NWD2: variants seen among roughly 807,000 people sequenced by gnomAD.
The protein encoded by NWD2 is NACHT and WD repeat domain containing 2.
In NWD2, 37 loss-of-function variants were observed where a neutral mutation model predicts 132.7. That is an observed-to-expected ratio of 0.28 (90% confidence interval 0.21 to 0.37). The LOEUF is 0.37. NWD2 is among the 10% of genes least tolerant of loss of function. NWD2 has a pLI of 1.00. For synonymous variants in NWD2, 705 were observed against 803.0 expected (o/e 0.88, Z 2.06); for missense variants, 1,592 against 2,122.4 (o/e 0.75, Z 4.91).
chr4:37,341,644 G>A (rs748725541), intron 2 of NWD2, among the ~76,000 whole-genome samples: 1 of 152,162 alleles, frequency 6.6e-6, no homozygotes, highest in East Asian at 1.9e-4. Flanking sequence ...CAGAGAAGGT[G>A]TAAAATAGCA....
intron 2 of NWD2, among the ~76,000 whole-genome samples, chr4:37,352,098 A>G (rs978136479): frequency 2.0e-5 from 3 of 152,106 alleles, no homozygotes; most frequent in African/African-American, 7.2e-5. Context: ...TTCACTTCCA[A>G]TTATGGGGTC....
chr4:37,436,927 G>T (rs1712338187), intron 5 of NWD2, among the ~76,000 whole-genome samples: 1 of 152,066 alleles, frequency 6.6e-6, no homozygotes, highest in Non-Finnish European at 1.5e-5. Context: ...AAAACCATTT[G>T]TAAAATGTAC....
intron 3 of NWD2, among the ~76,000 whole-genome samples, chr4:37,357,439 C>A (rs1719893703): frequency 6.6e-6 from 1 of 152,076 alleles, no homozygotes; most frequent in African/African-American, 2.4e-5. Context: ...AATTTCTTAC[C>A]CAGGCTAGTA....
chr4:37,345,862 C>G (rs894277124), intron 2 of NWD2, among the ~76,000 whole-genome samples: 1 of 152,086 alleles, frequency 6.6e-6, no homozygotes, highest in Non-Finnish European at 1.5e-5. Context: ...AGGTGGATCA[C>G]CTGAGGTTAG....
At chr4:37,425,091 T>C (rs1007740782) in intron 3 of NWD2, among the ~76,000 whole-genome samples, 3 of 152,082 alleles carry the variant, frequency 2.0e-5, no homozygotes, top group East Asian at 1.9e-4. Flanking sequence ...AAGTAGAGAG[T>C]CTTTTTACAT....
At position 37,445,302 on chromosome 4, in the gene NWD2, A is replaced by G. The variant is rs1201538263; in HGVS notation, c.3314A>G (p.Gln1105Arg). 6.4e-7 allele frequency: 1 copy of G among 1,552,070 alleles called. No individual in the cohort carries two copies. Among genetic ancestry groups the G allele is most frequent in the Admixed American group, 2.0e-5 (1 of 51,004 alleles). ...FHCWYEVTCVQCSLDGLYAFC... is the reference protein window; with the variant it reads ...FHCWYEVTCVRCSLDGLYAFC... Reference sequence around the variant, plus strand: ...TGCTGGTATGAAGTGACGTGCGTCCAGTGCTCCCTGGATGGTCTGTATGCT... The same window carrying G: ...TGCTGGTATGAAGTGACGTGCGTCCGGTGCTCCCTGGATGGTCTGTATGCT... The change falls in exon 7 of 7, where the codon CAG (glutamine) becomes CGG (arginine). Residue 1105 changes from glutamine to arginine, a missense_variant. Gln to Arg is a conservative substitution (Grantham distance 43). This residue lies in a region of NWD2 where 1,071 missense variants were observed against 1,398.0 expected (regional missense o/e 0.77). Transcript: ENST00000309447. The surrounding 1 kb of genome is among the most constrained non-coding windows in gnomAD (Gnocchi z 4.7).
intron 3 of NWD2, among the ~76,000 whole-genome samples, chr4:37,380,248 G>A (rs564541846): frequency 2.0e-5 from 3 of 152,268 alleles, no homozygotes; most frequent in African/African-American, 4.8e-5. Flanking sequence ...GATAAAGTCC[G>A]GACTCTTAAC....
intron 1 of NWD2, among the ~76,000 whole-genome samples, chr4:37,273,469 C>T (rs1159192479): frequency 1.3e-5 from 2 of 152,030 alleles, no homozygotes; most frequent in Non-Finnish European, 2.9e-5. Flanking sequence ...TAGACTCCCA[C>T]ACAATAATAA....
chr4:37,333,958 G>A (rs1305993175), intron 2 of NWD2, among the ~76,000 whole-genome samples: 1 of 151,954 alleles, frequency 6.6e-6, no homozygotes, highest in Non-Finnish European at 1.5e-5. Context: ...CTTACCAGCA[G>A]AATTGATCAA....
chr4:37,348,580 T>C (rs796767313), intron 2 of NWD2, among the ~76,000 whole-genome samples: 384 of 30,732 alleles, frequency 0.012, 6 homozygotes, highest in African/African-American at 0.029. Flanking sequence ...TTTTCCTTTT[T>C]CTTTTTTTTT....
At chr4:37,437,051 G>A (rs1282224434) in intron 5 of NWD2, among the ~76,000 whole-genome samples, 3 of 151,982 alleles carry the variant, frequency 2.0e-5, no homozygotes, top group Non-Finnish European at 4.4e-5. Context: ...TATCACAAGA[G>A]TTCCACCGAA....
At chr4:37,335,596 G>C (rs1302653488) in intron 2 of NWD2, among the ~76,000 whole-genome samples, 1 of 152,036 alleles carries the variant, frequency 6.6e-6, no homozygotes, top group African/African-American at 2.4e-5. Context: ...CAGGAGGTGA[G>C]CAGTGAGGCA....
At chr4:37,387,367 T>C (rs1720584004) in intron 3 of NWD2, among the ~76,000 whole-genome samples, 1 of 152,168 alleles carries the variant, frequency 6.6e-6, no homozygotes, top group African/African-American at 2.4e-5. Flanking sequence ...CTCAACAGTA[T>C]AATCTCATTT....
At chr4:37,256,127 G>A (rs1425769629) in intron 1 of NWD2, among the ~76,000 whole-genome samples, 2 of 152,158 alleles carry the variant, frequency 1.3e-5, no homozygotes, top group Non-Finnish European at 2.9e-5. Context: ...CCATATTCAG[G>A]CTCAGTGGAA....
At chr4:37,299,571 C>T (rs189948977) in intron 1 of NWD2, among the ~76,000 whole-genome samples, 11 of 152,164 alleles carry the variant, frequency 7.2e-5, no homozygotes, top group Admixed American at 1.3e-4. Context: ...TTGACCCTGT[C>T]GAAAATGCAA....
intron 1 of NWD2, 79 bp from the exon 2 acceptor site, chr4:37,325,857 A>G (rs942991643): frequency 6.3e-6 from 5 of 799,416 alleles, no homozygotes; most frequent in Non-Finnish European, 8.1e-6. Context: ...GTTAGTATTT[A>G]TTTTTAGGTT....
At chr4:37,392,167 C>G (rs1350870773) in intron 3 of NWD2, among the ~76,000 whole-genome samples, 1 of 152,138 alleles carries the variant, frequency 6.6e-6, no homozygotes, top group Non-Finnish European at 1.5e-5. Flanking sequence ...CACCACTGCA[C>G]TCCAGCCTGG....
chr4:37,354,323 C>A (rs1479006021), intron 2 of NWD2, among the ~76,000 whole-genome samples: 1 of 152,162 alleles, frequency 6.6e-6, no homozygotes, highest in Non-Finnish European at 1.5e-5. Context: ...CATGGGGGGT[C>A]AGGGACCCAC....
chr4:37,258,018 T>C (rs967235659), intron 1 of NWD2, among the ~76,000 whole-genome samples: 11 of 152,260 alleles, frequency 7.2e-5, no homozygotes, highest in Admixed American at 6.5e-4. Context: ...ATTCCTTTAA[T>C]GTTGCTTTAA....
Sources: gnomAD v4.1 joint callset for allele counts (sites outside exome capture counted in the v4.1 genomes callset) on GRCh38, gnomAD v4.1.1 for gene constraint, gnomAD v4.1.1 regional missense constraint, Gnocchi (gnomAD v3.1) non-coding constraint, MANE v1.5 for transcripts, NCBI Gene and HGNC (gene_info 2026-07-23, HGNC 2026-07-21) for gene names.